GRAMD1A: variants seen among roughly 807,000 people sequenced by gnomAD.
The protein encoded by GRAMD1A is protein Aster-A.
In GRAMD1A, 50 loss-of-function variants were observed where a neutral mutation model predicts 92.0. The observed-to-expected ratio is 0.54, with a 90% CI of 0.43 to 0.69. The LOEUF is 0.69. Among genes scored for constraint, GRAMD1A ranks in the 30% least tolerant of loss-of-function variants. The probability of loss-of-function intolerance (pLI) is 0.00; values close to 1 mark genes in which losing one functional copy is unlikely to be tolerated. For missense variants in GRAMD1A, 819 were observed against 978.9 expected, an observed-to-expected ratio of 0.84 and a Z score of 2.18; for synonymous variants, 405 against 403.6, an observed-to-expected ratio of 1.00 and a Z score of -0.04.
In GRAMD1A at chr19:35,011,309, G is replaced by A. The variant is rs1406317325; in HGVS notation, c.526-165G>A. On this transcript the variant is annotated intron_variant, in intron 6 of 19. Transcript: ENST00000317991. ...GTGATTCTGGAATTGTCCAGGGCAG[G>A]GCCGGGCGCAGGACAGACGTTTTGT... is the stretch of plus-strand genomic sequence containing the variant. Among the ~76,000 whole-genome samples the A allele has an allele frequency of 2.6e-5, 4 of 152,168 alleles. No individual in the cohort carries two copies. In the East Asian group the frequency reaches 7.7e-4, roughly 29 times the overall value.
At chr19:35,010,785 C>T in intron 6 of GRAMD1A, 1 of 464,722 alleles carries the variant, frequency 2.2e-6, no homozygotes. Flanking sequence ...CAGCAGACTT[C>T]TCTTTGTGTT....
chr19:34,996,195 C>T (rs1414725229), upstream of GRAMD1A: 54 of 1,535,518 alleles, frequency 3.5e-5, no homozygotes, highest in South Asian at 8.3e-5. Context: ...ATTCACATAA[C>T]GCCATCCAGT....
chr19:35,020,000 G>A (rs2015934018), intron 13 of GRAMD1A, among the ~76,000 whole-genome samples: 1 of 151,498 alleles, frequency 6.6e-6, no homozygotes. Flanking sequence ...GGAGCTGAGA[G>A]CAACTCATTT....
chr19:35,021,546 T>C lies in GRAMD1A; in HGVS notation c.1520T>C (p.Val507Ala), dbSNP rs1410167578. 11 of 1,614,166 alleles carry C rather than the reference T, an allele frequency of 6.8e-6. No homozygotes were observed. Among genetic ancestry groups the C allele is most frequent in the Non-Finnish European group, 9.3e-6 (11 of 1,179,976 alleles). ...IRYRKQPWSL[V>A]KSLIEKNSWS... The stretch of plus-strand genomic sequence containing the variant: ...TACCGAAAGCAGCCGTGGAGCCTGG[T>C]GAAGTCGCTCATTGAGAAGAACTCG... The change falls in exon 14 of 20, where the codon GTG (valine) becomes GCG (alanine). Residue 507 changes from valine to alanine, a missense_variant. Transcript: ENST00000317991. This position sits in a 1 kb window ranked among gnomAD's most constrained non-coding sequence, Gnocchi z 5.3.
At chr19:35,012,820 C>G (rs952109939) in intron 7 of GRAMD1A, among the ~76,000 whole-genome samples, 4 of 152,160 alleles carry the variant, frequency 2.6e-5, no homozygotes, top group Non-Finnish European at 5.9e-5. Flanking sequence ...ACTAAAATTG[C>G]AAAAATTAGC....
chr19:35,021,640 G>C lies in GRAMD1A; in HGVS notation c.1579+35G>C. The C allele has an allele frequency of 1.2e-6, 2 of 1,613,516 alleles. No individual in the cohort carries two copies. The highest frequency in any genetic ancestry group is 8.5e-7 in the Non-Finnish European group (1 of 1,179,438). On this transcript the variant is annotated intron_variant, in intron 14 of 19. Coordinates refer to ENST00000317991, the MANE Select transcript of GRAMD1A (RefSeq NM_020895.5). This position sits in a 1 kb window ranked among gnomAD's most constrained non-coding sequence, Gnocchi z 5.3. ...GAAGGCCGGCTGGGGCGTGGGTTGG[G>C]GGATGGCCTGGCCAGGTATGGACAT...
chr19:34,997,646 CAA>C (rs751192428), upstream of GRAMD1A, among the ~76,000 whole-genome samples: 3 of 152,052 alleles, frequency 2.0e-5, no homozygotes, highest in African/African-American at 7.2e-5. Flanking sequence ...ATCGCAGAAA[CAA>C]TGATAATGGG....
chr19:34,995,464 T>C (rs2013987202), upstream of GRAMD1A, among the ~76,000 whole-genome samples: 1 of 151,776 alleles, frequency 6.6e-6, no homozygotes, highest in African/African-American at 2.4e-5. Context: ...TGCAGGGTCC[T>C]ATCAGATCTC....
rs755388315 is a variant in GRAMD1A at position 35,021,490 on chromosome 19, T to C, written c.1476-12T>C. The C allele has an allele frequency of 1.2e-6, 2 of 1,605,184 alleles. No homozygotes were observed. The highest frequency in any genetic ancestry group is 1.7e-6 in the Non-Finnish European group (2 of 1,171,874). On this transcript the variant is annotated splice_polypyrimidine_tract_variant and intron_variant, in intron 13 of 19. Coordinates refer to ENST00000317991, the MANE Select transcript of GRAMD1A (RefSeq NM_020895.5). The surrounding 1 kb of genome is among the most constrained non-coding windows in gnomAD (Gnocchi z 5.3). The stretch of plus-strand genomic sequence containing the variant: ...AGACCCTTACCTCCTTCCCCTGATC[T>C]CCCAACCCCAGAGTGTCTTCTGAGA...
upstream of GRAMD1A, chr19:34,996,294 C>A: frequency 6.6e-7 from 1 of 1,506,808 alleles, no homozygotes. Flanking sequence ...CAGGACAGGT[C>A]AGACCTGGGC....
At chr19:35,019,578 A>C (rs554693064) in intron 13 of GRAMD1A, 45 bp downstream of exon 13, 3 of 1,591,300 alleles carry the variant, frequency 1.9e-6, no homozygotes, top group South Asian at 2.2e-5. Flanking sequence ...TGGTGGCCCC[A>C]GGGCCTCCTG....
intron 3 of GRAMD1A, 29 bp downstream of exon 3, chr19:35,009,472 A>AGGGCTGGGAGGACCGGGTGCT (rs1174231286): frequency 3.7e-6 from 6 of 1,612,678 alleles, no homozygotes; most frequent in Non-Finnish European, 5.1e-6. Flanking sequence ...GGCTTGCTGG[A>AGGGCTGGGAGGACCGGGTGCT]GGGCTGGGAG....
chr19:35,022,928 TC>T lies in GRAMD1A; in HGVS notation c.1853+22del. 6.4e-7 allele frequency: 1 copy of T among 1,572,180 alleles called. No homozygotes were observed. Among genetic ancestry groups the T allele is most frequent in the Non-Finnish European group, 8.7e-7 (1 of 1,152,498 alleles). On this transcript the variant is annotated intron_variant, in intron 17 of 19. Transcript: ENST00000317991. ...CTGTGTGAGGTAGGGTCCCGAGTCC[TC>T]CCCCTGCCCTCCCCTCCCTGCACCC... is the stretch of plus-strand genomic sequence containing the variant.
rs2014306420 is a variant in GRAMD1A, at chr19:35,000,781, G to C, written c.8+295G>C. 6.6e-6 allele frequency among the ~76,000 whole-genome samples: 1 copy of C among 152,140 alleles called. No individual in the cohort carries two copies. Among genetic ancestry groups the C allele is most frequent in the East Asian group, 1.9e-4 (1 of 5,182 alleles). ...GGCTGGGGGCCCGCGGGTTCATCTGGCGGGGAGGGCCCTCAGGCCTGGCAA... is the reference window on the plus strand; with the variant it reads ...GGCTGGGGGCCCGCGGGTTCATCTGCCGGGGAGGGCCCTCAGGCCTGGCAA... On this transcript the variant is annotated intron_variant, in intron 1 of 19. Coordinates refer to ENST00000317991, the MANE Select transcript of GRAMD1A (RefSeq NM_020895.5). This position sits in a 1 kb window ranked among gnomAD's most constrained non-coding sequence, Gnocchi z 4.9.
At position 35,021,623 on chromosome 19, in the gene GRAMD1A, G is replaced by A. The variant is rs762544464; in HGVS notation, c.1579+18G>A. On this transcript the variant is annotated intron_variant, in intron 14 of 19. Transcript: ENST00000317991. The surrounding 1 kb of genome is among the most constrained non-coding windows in gnomAD (Gnocchi z 5.3). Reference sequence around the variant, plus strand: ...CCATCTGGGTAGGGACAGAAGGCCGGCTGGGGCGTGGGTTGGGGGATGGCC... The same window carrying A: ...CCATCTGGGTAGGGACAGAAGGCCGACTGGGGCGTGGGTTGGGGGATGGCC... 41 of 1,613,220 alleles carry A rather than the reference G, an allele frequency of 2.5e-5. No individual in the cohort carries two copies. In the Admixed American group the frequency reaches 2.8e-4, roughly 11 times the overall value.
rs1246436553 is a variant in GRAMD1A, at chr19:35,021,658, A to G, written c.1580-33A>G. ...GGGTTGGGGGATGGCCTGGCCAGGT[A>G]TGGACATCCAGAGCCCCCTCTCTTT... On this transcript the variant is annotated intron_variant, in intron 14 of 19. Coordinates refer to ENST00000317991, the MANE Select transcript of GRAMD1A (RefSeq NM_020895.5). This position sits in a 1 kb window ranked among gnomAD's most constrained non-coding sequence, Gnocchi z 5.3. 3 of 1,613,680 alleles carry G rather than the reference A, an allele frequency of 1.9e-6. No homozygotes were observed. The highest frequency in any genetic ancestry group is 1.7e-5 in the Admixed American group (1 of 60,002).
intron 1 of GRAMD1A, among the ~76,000 whole-genome samples, chr19:35,007,096 G>A (rs2014876926): frequency 6.6e-6 from 1 of 152,272 alleles, no homozygotes; most frequent in South Asian, 2.1e-4. Flanking sequence ...CCACACCAAG[G>A]TGAGGTCTTT....
chr19:35,022,063 CCA>C (rs2016101669), intron 16 of GRAMD1A, 25 bp downstream of exon 16: 3 of 1,551,776 alleles, frequency 1.9e-6, no homozygotes, highest in Non-Finnish European at 1.8e-6. Context: ...GGAGCAGTGG[CCA>C]CACAGGCCTG....
At chr19:35,009,849 G>A in intron 3 of GRAMD1A, 39 bp from the exon 4 acceptor site, 1 of 1,220,086 alleles carries the variant, frequency 8.2e-7, no homozygotes, top group South Asian at 1.2e-5. Flanking sequence ...TTGGGAGTGT[G>A]AACCCCCATC....
Sources: gnomAD v4.1 joint callset for allele counts (sites outside exome capture counted in the v4.1 genomes callset) on GRCh38, gnomAD v4.1.1 for gene constraint, Gnocchi (gnomAD v3.1) non-coding constraint, MANE v1.5 for transcripts, NCBI Gene and HGNC (gene_info 2026-07-23, HGNC 2026-07-21) for gene names.